Variants in AGAP3 observed in about 807,000 individuals in gnomAD.
The protein encoded by AGAP3 is ArfGAP with GTPase domain, ankyrin repeat and PH domain 3, also known as arf-GAP with GTPase, ANK repeat and PH domain-containing protein 3.
In AGAP3, 24 loss-of-function variants were observed where a neutral mutation model predicts 96.9. The ratio of observed to expected loss-of-function variants is 0.25; its 90% CI spans 0.18 to 0.35. AGAP3 has a LOEUF of 0.35. AGAP3 is among the 10% of genes least tolerant of loss of function. AGAP3 has a pLI of 1.00. For missense variants in AGAP3, 876 were observed against 1,254.2 expected, an observed-to-expected ratio of 0.70 and a Z score of 4.55; for synonymous variants, 563 against 536.1, an observed-to-expected ratio of 1.05 and a Z score of -0.69.
chr7:151,136,791 A>G (rs1308686481), intron 11 of AGAP3, among the ~76,000 whole-genome samples: 1 of 152,062 alleles, frequency 6.6e-6, no homozygotes, highest in African/African-American at 2.4e-5. Flanking sequence ...TGGAACCTGG[A>G]AGGGAATGAA....
At chr7:151,110,039 G>A (rs1799218507) in intron 1 of AGAP3, among the ~76,000 whole-genome samples, 2 of 152,362 alleles carry the variant, frequency 1.3e-5, no homozygotes, top group South Asian at 4.1e-4. Flanking sequence ...ATAGGTGCCA[G>A]AGGCTGAACT....
chr7:151,087,227 A>T, intron 1 of AGAP3, 155 bp downstream of exon 1: 1 of 772,240 alleles, frequency 1.3e-6, no homozygotes, highest in African/African-American at 1.8e-5. Flanking sequence ...GTGTTGCAGA[A>T]CCGGCGGGCA....
At chr7:151,132,640 G>A (rs558569112) in intron 10 of AGAP3, among the ~76,000 whole-genome samples, 24 of 152,356 alleles carry the variant, frequency 1.6e-4, no homozygotes, top group African/African-American at 5.3e-4. Flanking sequence ...CAGGGAGGCC[G>A]CGTGCTGATG....
At chr7:151,088,998 G>T (rs1184760811) in intron 1 of AGAP3, among the ~76,000 whole-genome samples, 1 of 151,944 alleles carries the variant, frequency 6.6e-6, no homozygotes, top group Non-Finnish European at 1.5e-5. Flanking sequence ...ACCCAGCCGC[G>T]GCTCACACAT....
intron 1 of AGAP3, chr7:151,115,603 G>T: frequency 8.6e-7 from 1 of 1,166,758 alleles, no homozygotes; most frequent in South Asian, 4.2e-5. Context: ...TGGGGCCGTC[G>T]GGCGGCTGCG....
Position 151,138,183 on chromosome 7 carries a change from G to T in AGAP3, c.1536G>T (p.Glu512Asp). 1.2e-6 allele frequency: 2 copies of T among 1,609,234 alleles called. No individual in the cohort carries two copies. Among genetic ancestry groups the T allele is most frequent in the Non-Finnish European group, 1.7e-6 (2 of 1,178,444 alleles). The change falls in exon 12 of 18, where the codon GAG becomes GAT. Residue 512 changes from glutamate to aspartate, a missense_variant. Around this residue, in one of 8 missense-constraint regions of AGAP3, gnomAD observed 155 missense variants for 144.4 expected, o/e 1.07. Transcript: ENST00000397238. ...CCAGCAGCGCATCCCTGCACTCTGA[G>T]CGCCCCCTCAGCAGCTCGGCCTGGG... Reference protein sequence around the residue: ...HSASSASLHSERPLSSSAWAG... With the variant: ...HSASSASLHSDRPLSSSAWAG...
intron 11 of AGAP3, among the ~76,000 whole-genome samples, chr7:151,137,363 T>C (rs1436904622): frequency 2.6e-5 from 4 of 152,354 alleles, no homozygotes; most frequent in African/African-American, 7.2e-5. Flanking sequence ...TTAGACCGCC[T>C]GGGGCCATTT....
chr7:151,091,697 C>A lies in AGAP3; in HGVS notation c.331+4625C>A, dbSNP rs115908119. On this transcript the variant is annotated intron_variant, in intron 1 of 17. Coordinates refer to ENST00000397238, the MANE Select transcript of AGAP3 (RefSeq NM_031946.7). ...GGGTCAGAAGCCAGAACAGGAAGAC[C>A]TGTCCAGCCTGATCTCAGGCTGCAT... Among the ~76,000 whole-genome samples, 1,121 of 152,292 alleles carry A rather than the reference C, an allele frequency of 7.4e-3. 7 individuals carry two copies. Among genetic ancestry groups the A allele is most frequent in the African/African-American group, 0.026 (1,065 of 41,550 alleles).
intron 1 of AGAP3, among the ~76,000 whole-genome samples, chr7:151,093,900 T>C (rs1435514791): frequency 6.6e-6 from 1 of 152,078 alleles, no homozygotes; most frequent in Non-Finnish European, 1.5e-5. Context: ...CTGGCGTGAG[T>C]ATCTGGAACA....
rs1800487236 is a variant in AGAP3, at chr7:151,133,741, A to G, written c.1327-659A>G. On this transcript the variant is annotated intron_variant, in intron 10 of 17. Transcript: ENST00000397238. This position sits in a 1 kb window ranked among gnomAD's most constrained non-coding sequence, Gnocchi z 5.4. ...TTACGCGAGGCTATACGTGGAATGT[A>G]TAAATACACTGCTGTAGGATGGTAA... 6.6e-6 allele frequency among the ~76,000 whole-genome samples: 1 copy of G among 152,202 alleles called. No individual in the cohort carries two copies. Among genetic ancestry groups the G allele is most frequent in the South Asian group, 2.1e-4 (1 of 4,818 alleles).
At chr7:151,115,664 C>T (rs1172767681) in intron 1 of AGAP3, 2 of 1,148,400 alleles carry the variant, frequency 1.7e-6, no homozygotes, top group East Asian at 4.0e-5. Context: ...GCCTGGGGGG[C>T]GTCTGGCAGA....
intron 2 of AGAP3, 42 bp downstream of exon 2, chr7:151,116,893 G>GT: frequency 1.2e-6 from 2 of 1,610,548 alleles, no homozygotes; most frequent in South Asian, 1.1e-5. Context: ...CTGGAGCTGG[G>GT]GGGGCGAGGC....
intron 1 of AGAP3, chr7:151,116,292 A>G (rs1324341186): frequency 1.3e-5 from 2 of 155,928 alleles, no homozygotes; most frequent in East Asian, 1.9e-4. Flanking sequence ...GGGCCAGGCC[A>G]GGCCAGGCTC....
intron 1 of AGAP3, chr7:151,116,384 C>T: frequency 1.0e-5 from 2 of 191,332 alleles, no homozygotes; most frequent in Middle Eastern, 2.2e-3. Flanking sequence ...GGAGTCTGCC[C>T]CCCAACCAGG....
At chr7:151,090,192 A>T (rs1357400796) in intron 1 of AGAP3, 1 of 129,738 alleles carries the variant, frequency 7.7e-6, no homozygotes, top group Non-Finnish European at 1.7e-5. Context: ...GGGGAGGAGC[A>T]GGGGCTTGGG....
At chr7:151,112,660 T>A (rs1799346879) in intron 1 of AGAP3, among the ~76,000 whole-genome samples, 1 of 152,076 alleles carries the variant, frequency 6.6e-6, no homozygotes, top group Non-Finnish European at 1.5e-5. Flanking sequence ...ATGCAGTGGC[T>A]CCATCTTGGC....
chr7:151,136,051 T>A (rs1478301825), intron 11 of AGAP3, among the ~76,000 whole-genome samples: 1 of 152,220 alleles, frequency 6.6e-6, no homozygotes, highest in Non-Finnish European at 1.5e-5. Flanking sequence ...GCCGTGGGGT[T>A]GTACTGGCCT....
rs374781016 is a variant in AGAP3, at chr7:151,135,666, C to T, written c.1495+1098C>T. The stretch of plus-strand genomic sequence containing the variant: ...GCTGGGCCCACTCTCGCAGAAACAC[C>T]GTGGACCAGCCCGAAGGCAGGGGAG... On this transcript the variant is annotated intron_variant, in intron 11 of 17. Coordinates refer to ENST00000397238, the MANE Select transcript of AGAP3 (RefSeq NM_031946.7). Among the ~76,000 whole-genome samples, 17 of 152,188 alleles carry T rather than the reference C, an allele frequency of 1.1e-4. No homozygotes were observed. The East Asian group carries it at 1.3e-3, about 12-fold the overall frequency.
intron 8 of AGAP3, 130 bp from the exon 9 acceptor site, chr7:151,123,664 G>A (rs1800027217): frequency 4.6e-6 from 7 of 1,528,894 alleles, no homozygotes; most frequent in Non-Finnish European, 6.1e-6. Flanking sequence ...TTCCCGTCCC[G>A]CCGCCCCGGC....
Sources: gnomAD v4.1 joint callset for allele counts (sites outside exome capture counted in the v4.1 genomes callset) on GRCh38, gnomAD v4.1.1 for gene constraint, gnomAD v4.1.1 regional missense constraint, Gnocchi (gnomAD v3.1) non-coding constraint, MANE v1.5 for transcripts, NCBI Gene and HGNC (gene_info 2026-07-23, HGNC 2026-07-21) for gene names.